ESR1: variants seen among roughly 807,000 people sequenced by gnomAD.
The protein encoded by ESR1 is estrogen receptor 1.
A neutral mutation model predicts 52.7 loss-of-function variants in ESR1; 12 were observed. The observed-to-expected ratio is 0.23, with a 90% CI of 0.15 to 0.37. The LOEUF (loss-of-function observed/expected upper bound fraction) is 0.37. Among genes scored for constraint, ESR1 ranks in the 10% least tolerant of loss-of-function variants. The probability of loss-of-function intolerance (pLI) is 1.00; values close to 1 mark genes in which losing one functional copy is unlikely to be tolerated. For missense variants in ESR1, 584 were observed against 779.7 expected (o/e 0.75, Z 2.99); for synonymous variants, 305 against 316.8 (o/e 0.96, Z 0.39).
Position 151,944,044 on chromosome 6 carries a change from T to TA in ESR1, c.761-128dup, listed in dbSNP as rs375242389. The TA allele has an allele frequency of 9.4e-4, 709 of 750,844 alleles. 16 individuals carry two copies. In the South Asian group the frequency reaches 0.012, roughly 13 times the overall value. 46.5% of individuals were successfully genotyped at this position (750,844 alleles called of 1,614,324 possible). A position where few individuals can be genotyped will look rare whatever the true frequency, so the allele number is the denominator to read the frequency against. ...CTTGGAGAGCCACTTGTTGAACACT[T>TA]ACCAGCTCACCTGTGCTTGAAAGTA... On this transcript the variant is annotated intron_variant, in intron 3 of 7. Coordinates refer to ENST00000206249, the MANE Select transcript of ESR1 (RefSeq NM_000125.4).
At chr6:151,757,196 G>A (rs928411613) in intron 2 of ESR1, among the ~76,000 whole-genome samples, 1 of 150,774 alleles carries the variant, frequency 6.6e-6, no homozygotes, top group Non-Finnish European at 1.5e-5. Context: ...ATACTCTGGT[G>A]CACACCTTTT....
chr6:151,733,997 CT>C (rs1207035746), intron 2 of ESR1, among the ~76,000 whole-genome samples: 1 of 152,182 alleles, frequency 6.6e-6, no homozygotes, highest in Non-Finnish European at 1.5e-5. Context: ...GTCCCTCCTA[CT>C]TTGAAACTGT....
chr6:152,093,342 CTCTCTCTCTCTT>C (rs1337831512), intron 6 of ESR1, among the ~76,000 whole-genome samples: 8 of 141,738 alleles, frequency 5.6e-5, no homozygotes, highest in East Asian at 2.3e-4. Context: ...CTCTCTCTCT[CTCTCTCTCTCTT>C]TCTCTCTCTC....
intron 5 of ESR1, among the ~76,000 whole-genome samples, chr6:152,055,268 C>A (rs1220280120): frequency 6.6e-6 from 1 of 152,102 alleles, no homozygotes; most frequent in Non-Finnish European, 1.5e-5. Flanking sequence ...TCTGTAGTAG[C>A]TCCATAATGG....
chr6:151,678,340 G>C (rs562363847), intron 1 of ESR1, among the ~76,000 whole-genome samples: 1 of 152,018 alleles, frequency 6.6e-6, no homozygotes, highest in African/African-American at 2.4e-5. Flanking sequence ...AGGTGTGGTG[G>C]TACACGCCTA....
intron 2 of ESR1, among the ~76,000 whole-genome samples, chr6:151,865,075 C>G (rs990585739): frequency 3.3e-5 from 5 of 151,974 alleles, no homozygotes; most frequent in Admixed American, 6.6e-5. Context: ...TACCCTAGAA[C>G]TTAAAGTATA....
intron 3 of ESR1, among the ~76,000 whole-genome samples, chr6:151,906,328 G>C (rs1316543788): frequency 6.6e-6 from 1 of 151,948 alleles, no homozygotes; most frequent in African/African-American, 2.4e-5. Context: ...TTTTAAAAAA[G>C]TGTGTTAGTT....
intron 1 of ESR1, among the ~76,000 whole-genome samples, chr6:151,808,647 C>T (rs762905056): frequency 7.2e-5 from 11 of 152,250 alleles, no homozygotes; most frequent in Non-Finnish European, 1.5e-4. Context: ...GGCTTCCTAA[C>T]AAAACACACG....
chr6:151,680,235 G>A (rs529905320), intron 1 of ESR1, among the ~76,000 whole-genome samples: 4 of 134,960 alleles, frequency 3.0e-5, no homozygotes, highest in East Asian at 2.1e-4. Flanking sequence ...TTGGAGTCTC[G>A]CTCTGTCACC....
chr6:151,807,846 G>T lies in ESR1; in HGVS notation c.-67G>T, dbSNP rs1185691672. ...TCGGGCTGTGCTCTTTTTCCAGGTGGCCCGCCGGTTTCTGAGCCTTCTGCC... is the reference window on the plus strand; with the variant it reads ...TCGGGCTGTGCTCTTTTTCCAGGTGTCCCGCCGGTTTCTGAGCCTTCTGCC... On this transcript the variant is annotated 5_prime_UTR_variant, in exon 1 of 8. Coordinates refer to ENST00000206249, the MANE Select transcript of ESR1 (RefSeq NM_000125.4). The T allele has an allele frequency of 5.7e-6, 8 of 1,414,682 alleles. No homozygotes were observed. Among genetic ancestry groups the T allele is most frequent in the Admixed American group, 1.8e-5 (1 of 56,570 alleles). 87.6% of individuals were successfully genotyped at this position (1,414,682 alleles called of 1,614,324 possible).
At chr6:152,122,643 A>C in intron 6 of ESR1, 1 of 1,614,124 alleles carries the variant, frequency 6.2e-7, no homozygotes, top group Non-Finnish European at 8.5e-7. Flanking sequence ...GCCCTGGCTC[A>C]GAAAGGGAGG....
intron 2 of ESR1, among the ~76,000 whole-genome samples, chr6:151,746,282 T>C (rs566261917): frequency 1.1e-4 from 16 of 152,222 alleles, no homozygotes; most frequent in Non-Finnish European, 2.2e-4. Context: ...ATTGTTTTAA[T>C]TTTTCAACTT....
chr6:152,034,640 CT>C (rs2045110900), intron 5 of ESR1, among the ~76,000 whole-genome samples: 1 of 152,074 alleles, frequency 6.6e-6, no homozygotes, highest in African/African-American at 2.4e-5. Flanking sequence ...GTGCAACTAA[CT>C]CTTTCCAAGC....
rs1393640860 is a variant in ESR1, at chr6:151,857,568, GC to G, written c.643+14784del. Among the ~76,000 whole-genome samples, 7 of 151,304 alleles carry G rather than the reference GC, an allele frequency of 4.6e-5. No individual in the cohort carries two copies. The East Asian group carries it at 1.2e-3, about 25-fold the overall frequency. On this transcript the variant is annotated intron_variant, in intron 2 of 7. Transcript: ENST00000206249. ...ATTCGAGACCAAGTCTCGCTCTGTC[GC>G]CCAAGCTGGAGTGCAGTGGCGCAAA...
intron 1 of ESR1, among the ~76,000 whole-genome samples, chr6:151,692,018 C>T (rs1280094407): frequency 1.3e-5 from 2 of 152,090 alleles, no homozygotes; most frequent in Non-Finnish European, 2.9e-5. Flanking sequence ...AGGAAAAAAG[C>T]AAAATTTTCC....
At chr6:151,767,270 T>C (rs1785138770) in intron 2 of ESR1, among the ~76,000 whole-genome samples, 1 of 152,210 alleles carries the variant, frequency 6.6e-6, no homozygotes, top group African/African-American at 2.4e-5. Flanking sequence ...ATAAGATAAT[T>C]GCTGAACAAA....
At chr6:151,899,148 G>A (rs542349106) in intron 3 of ESR1, among the ~76,000 whole-genome samples, 51 of 138,994 alleles carry the variant, frequency 3.7e-4, no homozygotes, top group South Asian at 2.4e-3. Context: ...CCTCCCTCCC[G>A]GACGGGGCGG....
At chr6:151,709,395 T>C (rs903628260) in intron 2 of ESR1, among the ~76,000 whole-genome samples, 3 of 152,246 alleles carry the variant, frequency 2.0e-5, no homozygotes, top group Admixed American at 1.3e-4. Flanking sequence ...GATGGATACT[T>C]AGATTGATTC....
chr6:152,114,100 G>A (rs1670682956), intron 6 of ESR1, among the ~76,000 whole-genome samples: 1 of 152,198 alleles, frequency 6.6e-6, no homozygotes, highest in South Asian at 2.1e-4. Flanking sequence ...CCGTGCCCAA[G>A]CCAGGCTTGG....
Sources: gnomAD v4.1 joint callset for allele counts (sites outside exome capture counted in the v4.1 genomes callset) on GRCh38, gnomAD v4.1.1 for gene constraint, MANE v1.5 for transcripts, NCBI Gene and HGNC (gene_info 2026-07-23, HGNC 2026-07-21) for gene names.